Variants in PDIA4 observed in about 807,000 individuals in gnomAD.
The protein encoded by PDIA4 is protein disulfide isomerase family A member 4, also known as protein disulfide-isomerase A4.
A neutral mutation model predicts 62.1 loss-of-function variants in PDIA4; 33 were observed. The observed-to-expected ratio is 0.53, with a 90% CI of 0.40 to 0.71. PDIA4 has a LOEUF of 0.71. PDIA4 is among the 30% of genes least tolerant of loss of function. The pLI is 0.00. For synonymous variants in PDIA4, 341 were observed against 324.1 expected (o/e 1.05, Z -0.56); for missense variants, 804 against 813.6 (o/e 0.99, Z 0.14).
chr7:149,011,792 C>A, intron 6 of PDIA4, 54 bp downstream of exon 6: 1 of 1,446,498 alleles, frequency 6.9e-7, no homozygotes. Flanking sequence ...ACCAGGCAAC[C>A]GCAGACGGCC....
chr7:149,008,326 A>AT lies in PDIA4; in HGVS notation c.980-17_980-16insA. ...AGGTTGTTAGCTGAAACGTTAACAG[A>AT]ATAAGATGTAATTTTGAAAATTGCC... On this transcript the variant is annotated splice_polypyrimidine_tract_variant and intron_variant, in intron 6 of 9. Coordinates refer to ENST00000652332, the MANE Select transcript of PDIA4 (RefSeq NM_004911.5). The AT allele has an allele frequency of 6.2e-7, 1 of 1,601,104 alleles. No homozygotes were observed. The highest frequency in any genetic ancestry group is 8.5e-7 in the Non-Finnish European group (1 of 1,174,252).
At chr7:149,015,809 C>T (rs1192117040) in intron 3 of PDIA4, among the ~76,000 whole-genome samples, 3 of 152,256 alleles carry the variant, frequency 2.0e-5, no homozygotes, top group African/African-American at 7.2e-5. Context: ...TGCGCATTCG[C>T]AGCATGAAGT....
rs149592400 is a variant in PDIA4, at chr7:149,021,083, C to A, written c.153G>T (p.Glu51Asp). The A allele has an allele frequency of 2.4e-3, 3,946 of 1,613,310 alleles. 9 individuals are homozygous for A. The highest frequency in any genetic ancestry group is 2.3e-3 in the Non-Finnish European group (2,727 of 1,179,464). Residue 51 changes from glutamate (E) to aspartate (D), a missense_variant, in exon 2 of 10, where the codon GAG becomes GAT. Transcript: ENST00000652332. The part of the protein sequence containing the change: ...EEEEEEEDDD[E>D]EEDDLEVKEE... The stretch of plus-strand genomic sequence containing the variant: ...CCTTAACTTCCAAGTCGTCTTCTTC[C>A]TCATCATCATCTTCCTCCTCCTCCT...
intron 3 of PDIA4, among the ~76,000 whole-genome samples, chr7:149,017,145 G>A (rs572224963): frequency 6.6e-5 from 10 of 152,018 alleles, no homozygotes; most frequent in South Asian, 2.1e-4. Context: ...TATGAGGACC[G>A]GAAGCCTATT....
rs1380044439 is a variant in PDIA4, at chr7:149,028,495, C to T, written c.-87G>A. 1.1e-6 allele frequency: 1 copy of T among 916,884 alleles called. No homozygotes were observed. Among genetic ancestry groups the T allele is most frequent in the Non-Finnish European group, 1.5e-6 (1 of 648,462 alleles). 56.8% of individuals were successfully genotyped at this position (916,884 alleles called of 1,614,324 possible). A position where few individuals can be genotyped will look rare whatever the true frequency, so the allele number is the denominator to read the frequency against. Reference sequence around the variant, plus strand: ...GGGTCTGGCCGACAGCCCGTCGCTCCTTAGCGACGCGGGGGAGCCGGAAAA... The same window carrying T: ...GGGTCTGGCCGACAGCCCGTCGCTCTTTAGCGACGCGGGGGAGCCGGAAAA... On this transcript the variant is annotated 5_prime_UTR_variant, in exon 1 of 10. Coordinates refer to ENST00000652332, the MANE Select transcript of PDIA4 (RefSeq NM_004911.5).
intron 6 of PDIA4, 118 bp downstream of exon 6, chr7:149,011,728 A>G: frequency 1.3e-6 from 1 of 775,236 alleles, no homozygotes. Flanking sequence ...GCTTATTCCC[A>G]GAGATGGCTC....
intron 2 of PDIA4, 51 bp downstream of exon 2, chr7:149,020,916 G>A (rs777297758): frequency 9.6e-5 from 153 of 1,589,050 alleles, no homozygotes; most frequent in African/African-American, 2.7e-5. Flanking sequence ...AGGGCTGAGC[G>A]AATGGAGCAC....
At chr7:149,015,156 CAG>C in intron 3 of PDIA4, 114 bp from the exon 4 acceptor site, 1 of 1,048,792 alleles carries the variant, frequency 9.5e-7, no homozygotes, top group Non-Finnish European at 1.4e-6. Context: ...CCCACAAGAA[CAG>C]GAGGTGTCTG....
Position 149,015,009 on chromosome 7 carries a change from G to A in PDIA4, c.509C>T (p.Pro170Leu). 6.2e-7 allele frequency: 1 copy of A among 1,614,158 alleles called. No individual in the cohort carries two copies. The highest frequency in any genetic ancestry group is 8.5e-7 in the Non-Finnish European group (1 of 1,180,032). ...IVAKVREVSQPDWTPPPEVTL... is the reference protein window; with the variant it reads ...IVAKVREVSQLDWTPPPEVTL... ...GACTTCTGGTGGAGGCGTCCAGTCGGGCTGGGAGACTTCTCTGACCTTGGC... is the reference window on the plus strand; with the variant it reads ...GACTTCTGGTGGAGGCGTCCAGTCGAGCTGGGAGACTTCTCTGACCTTGGC... The change falls in exon 4 of 10, where the codon CCC (proline) becomes CTC (leucine). Residue 170 changes from proline to leucine, a missense_variant. Coordinates refer to ENST00000652332, the MANE Select transcript of PDIA4 (RefSeq NM_004911.5).
At position 149,006,005 on chromosome 7, in the gene PDIA4, G is replaced by C; in HGVS notation, c.1180C>G (p.Leu394Val). 1 of 1,553,134 alleles carries C rather than the reference G, an allele frequency of 6.4e-7. No homozygotes were observed. Among genetic ancestry groups the C allele is most frequent in the Non-Finnish European group, 8.6e-7 (1 of 1,157,702 alleles). ...ACCTTGCGGTGGCCAACCAGGGGCAGGGCGTACTTCAGCACGAAGTCCTTG... is the reference window on the plus strand; with the variant it reads ...ACCTTGCGGTGGCCAACCAGGGGCACGGCGTACTTCAGCACGAAGTCCTTG... ...AIKDFVLKYA[L>V]PLVGHRKVSN... Residue 394 changes from leucine (L) to valine (V), a missense_variant, in exon 8 of 10, where the codon CTG (leucine) becomes GTG (valine). Leu to Val is a conservative substitution (Grantham distance 32). Coordinates refer to ENST00000652332, the MANE Select transcript of PDIA4 (RefSeq NM_004911.5).
At chr7:149,017,380 T>A (rs1348533398) in intron 3 of PDIA4, among the ~76,000 whole-genome samples, 5 of 152,134 alleles carry the variant, frequency 3.3e-5, no homozygotes, top group Non-Finnish European at 5.9e-5. Context: ...GGTTGGGAGT[T>A]TGAGACCAGC....
Position 149,019,196 on chromosome 7 carries a change from A to G in PDIA4, c.271T>C (p.Cys91Arg). 1 of 1,609,446 alleles carries G rather than the reference A, an allele frequency of 6.2e-7. No individual in the cohort carries two copies. The highest frequency in any genetic ancestry group is 2.2e-5 in the East Asian group (1 of 44,838). ...TVLLEFYAPW[C>R]GHCKQFAPEY... The stretch of plus-strand genomic sequence containing the variant: ...GGAGCAAACTGCTTGCAATGTCCAC[A>G]CCTAACAATTAGATTAGGAAGGGCA... The change falls in exon 3 of 10, where the codon TGT becomes CGT. Residue 91 changes from cysteine (C) to arginine (R), a missense_variant and splice_region_variant. Cys to Arg is a radical substitution (Grantham distance 180). Transcript: ENST00000652332.
chr7:149,018,127 C>T (rs188502934), intron 3 of PDIA4, among the ~76,000 whole-genome samples: 1,639 of 151,742 alleles, frequency 0.011, 22 homozygotes, highest in East Asian at 0.074. Flanking sequence ...TACTCAGGAG[C>T]CTGAGGCAGA....
chr7:149,023,990 T>C (rs1824448203), intron 1 of PDIA4, among the ~76,000 whole-genome samples: 1 of 152,232 alleles, frequency 6.6e-6, no homozygotes. Flanking sequence ...ATCACGCCTA[T>C]AATCCCAGCA....
chr7:149,008,707 T>C (rs1404838331), intron 6 of PDIA4, among the ~76,000 whole-genome samples: 1 of 146,990 alleles, frequency 6.8e-6, no homozygotes, highest in Non-Finnish European at 1.5e-5. Context: ...TGAGACTGTC[T>C]TTAAAAAGAA....
At chr7:149,009,864 T>C (rs1180763807) in intron 6 of PDIA4, among the ~76,000 whole-genome samples, 1 of 152,322 alleles carries the variant, frequency 6.6e-6, no homozygotes, top group East Asian at 1.9e-4. Flanking sequence ...GCACCTTCAG[T>C]CCCTCTCCAT....
intron 3 of PDIA4, among the ~76,000 whole-genome samples, chr7:149,017,337 A>T (rs1824172265): frequency 6.6e-6 from 1 of 152,172 alleles, no homozygotes; most frequent in African/African-American, 2.4e-5. Flanking sequence ...TAATTCCAGC[A>T]CTTTGGGAGG....
At chr7:149,010,057 G>A (rs1156237871) in intron 6 of PDIA4, among the ~76,000 whole-genome samples, 1 of 152,170 alleles carries the variant, frequency 6.6e-6, no homozygotes, top group Non-Finnish European at 1.5e-5. Flanking sequence ...GGGCAGCCTG[G>A]ATAAGCCTGT....
Position 149,003,956 on chromosome 7 carries a change from G to A in PDIA4, c.1776C>T (p.Ser592=), listed in dbSNP as rs534564108. 36 of 1,613,290 alleles carry A rather than the reference G, an allele frequency of 2.2e-5. No homozygotes were observed. The highest frequency in any genetic ancestry group is 2.0e-4 in the African/African-American group (15 of 75,014). The change falls in exon 10 of 10, where the codon AGC becomes AGT. Residue 592 remains serine, a synonymous_variant. Transcript: ENST00000652332. The part of the protein sequence containing the change: ...KMDATANDVP[S]DRYKVEGFPT... ...GGAAGCCCTCCACCTTATAGCGGTC[G>A]CTGGGGACGTCGTTGGCAGTGGCGT... is the stretch of plus-strand genomic sequence containing the variant.
Sources: gnomAD v4.1 joint callset for allele counts (sites outside exome capture counted in the v4.1 genomes callset) on GRCh38, gnomAD v4.1.1 for gene constraint, MANE v1.5 for transcripts, NCBI Gene and HGNC (gene_info 2026-07-23, HGNC 2026-07-21) for gene names.